The following VWA8 variants were observed in gnomAD, a reference collection of about 807,000 sequenced individuals.
VWA8 encodes von Willebrand factor A domain containing 8, also known as von Willebrand factor A domain-containing protein 8.
VWA8 carries 221 observed loss-of-function variants against 241.5 expected under a neutral mutation model. The ratio of observed to expected loss-of-function variants is 0.91; its 90% confidence interval spans 0.82 to 1.02. The LOEUF (loss-of-function observed/expected upper bound fraction) is 1.02, where lower values mean the gene tolerates loss of function less well. VWA8 is among the 50% of genes least tolerant of loss of function. The probability of loss-of-function intolerance (pLI) is 0.00; values close to 1 mark genes in which losing one functional copy is unlikely to be tolerated. For missense variants in VWA8, 2,322 were observed against 2,328.7 expected (o/e 1.00, Z 0.06); for synonymous variants, 852 against 827.1 (o/e 1.03, Z -0.52).
At chr13:41,833,084 A>G (rs1871541714) in intron 13 of VWA8, among the ~76,000 whole-genome samples, 1 of 152,188 alleles carries the variant, frequency 6.6e-6, no homozygotes, top group South Asian at 2.1e-4. Context: ...AGACCTGTAT[A>G]TATAAAGTTT....
intron 20 of VWA8, among the ~76,000 whole-genome samples, chr13:41,776,459 T>C (rs943310810): frequency 1.3e-5 from 2 of 152,246 alleles, no homozygotes; most frequent in Non-Finnish European, 2.9e-5. Flanking sequence ...CTCTGGTATA[T>C]AGGTTCATCT....
At chr13:41,679,223 A>G (rs2045081254) in intron 35 of VWA8, among the ~76,000 whole-genome samples, 1 of 152,238 alleles carries the variant, frequency 6.6e-6, no homozygotes, top group African/African-American at 2.4e-5. Context: ...TGTTTATCAC[A>G]TAGCTCCCAT....
At chr13:41,571,322 T>TC (rs1298531812) in intron 43 of VWA8, among the ~76,000 whole-genome samples, 135 of 136,714 alleles carry the variant, frequency 9.9e-4, no homozygotes, top group African/African-American at 2.8e-3. Context: ...TCCCTCTCCC[T>TC]CTCCCGTCTC....
chr13:41,729,760 T>A, intron 22 of VWA8, 83 bp from the exon 23 acceptor site: 1 of 1,420,302 alleles, frequency 7.0e-7, no homozygotes, highest in Non-Finnish European at 9.6e-7. Flanking sequence ...TTTGGACTTA[T>A]AACAGCTGGC....
chr13:41,840,832 G>T (rs1427562515), intron 12 of VWA8, among the ~76,000 whole-genome samples: 3 of 151,536 alleles, frequency 2.0e-5, no homozygotes, highest in Non-Finnish European at 1.5e-5. Flanking sequence ...CACAATTCTT[G>T]ATAATAAAAT....
At chr13:41,927,526 C>T (rs1876905750) in intron 2 of VWA8, among the ~76,000 whole-genome samples, 1 of 151,644 alleles carries the variant, frequency 6.6e-6, no homozygotes, top group Admixed American at 6.6e-5. Context: ...ACCAAATAAA[C>T]CATTTGTCTC....
intron 4 of VWA8, among the ~76,000 whole-genome samples, chr13:41,898,896 C>T (rs1476612661): frequency 4.2e-5 from 1 of 23,912 alleles, no homozygotes; most frequent in African/African-American, 1.9e-4. Context: ...CAAGCCCACG[C>T]CCACCCGGAA....
intron 17 of VWA8, among the ~76,000 whole-genome samples, chr13:41,789,624 A>G (rs1869361428): frequency 2.0e-5 from 3 of 152,186 alleles, no homozygotes; most frequent in African/African-American, 7.2e-5. Context: ...GGAGTGGGAT[A>G]GGATCTTTAG....
At chr13:41,746,177 T>C (rs2045605154) in intron 21 of VWA8, among the ~76,000 whole-genome samples, 1 of 152,206 alleles carries the variant, frequency 6.6e-6, no homozygotes, top group Non-Finnish European at 1.5e-5. Flanking sequence ...ATATTTGTAT[T>C]TACATTTTTT....
chr13:41,572,852 G>C (rs922306826), intron 43 of VWA8, among the ~76,000 whole-genome samples: 2 of 150,328 alleles, frequency 1.3e-5, no homozygotes, highest in Non-Finnish European at 3.0e-5. Flanking sequence ...GCTCACGTCT[G>C]TGGTCCCAGC....
intron 33 of VWA8, among the ~76,000 whole-genome samples, chr13:41,689,842 C>G (rs1185646688): frequency 6.6e-6 from 1 of 151,806 alleles, no homozygotes; most frequent in East Asian, 1.9e-4. Flanking sequence ...TATTCATCCC[C>G]CAAAACTGTG....
At position 41,587,514 on chromosome 13, in the gene VWA8, G is replaced by T; in HGVS notation, c.5269C>A (p.Gln1757Lys). 1 of 1,614,012 alleles carries T rather than the reference G, an allele frequency of 6.2e-7. No individual in the cohort carries two copies. The highest frequency in any genetic ancestry group is 8.5e-7 in the Non-Finnish European group (1 of 1,180,008). The change falls in exon 42 of 45, where the codon CAG (glutamine) becomes AAG (lysine). Residue 1757 changes from glutamine to lysine, a missense_variant and splice_region_variant. By Grantham distance (53) the Gln-to-Lys change is moderately conservative. Coordinates refer to ENST00000379310, the MANE Select transcript of VWA8 (RefSeq NM_015058.2). ...TTATTCTTAGTTCATGTCATTACCT[G>T]GAACTTCTCCTCATAGTTCTCGAAG... is the stretch of plus-strand genomic sequence containing the variant. ...EAFENYEEKF[Q>K]YDIVGHSGDG...
intron 17 of VWA8, among the ~76,000 whole-genome samples, chr13:41,807,517 G>T (rs2137969462): frequency 6.6e-6 from 1 of 152,330 alleles, no homozygotes; most frequent in South Asian, 2.1e-4. Flanking sequence ...TTATGCCAGG[G>T]ATGCCAGCAT....
At chr13:41,896,345 T>A (rs868242954) in intron 4 of VWA8, among the ~76,000 whole-genome samples, 4 of 152,126 alleles carry the variant, frequency 2.6e-5, no homozygotes, top group Non-Finnish European at 4.4e-5. Flanking sequence ...CAAATGAATT[T>A]AAAAATTTAA....
At chr13:41,671,889 T>C (rs2045028141) in intron 36 of VWA8, among the ~76,000 whole-genome samples, 1 of 152,196 alleles carries the variant, frequency 6.6e-6, no homozygotes, top group Non-Finnish European at 1.5e-5. Context: ...CACTCTATAG[T>C]ATTCTGCTGT....
intron 37 of VWA8, among the ~76,000 whole-genome samples, chr13:41,641,521 G>A (rs12864630): frequency 0.033 from 4,933 of 151,304 alleles, 90 homozygotes; most frequent in South Asian, 0.079. Context: ...TATGTCTGGA[G>A]TTCTTTGGAA....
chr13:41,758,421 T>C (rs1593750416), intron 21 of VWA8, among the ~76,000 whole-genome samples: 1 of 64,306 alleles, frequency 1.6e-5, no homozygotes, highest in South Asian at 5.3e-4. Flanking sequence ...TATATATATA[T>C]ATATATATAC....
Position 41,645,038 on chromosome 13 carries a change from A to C in VWA8, c.4611+25908T>G, listed in dbSNP as rs564206775. 3.9e-5 allele frequency among the ~76,000 whole-genome samples: 6 copies of C among 152,360 alleles called. No individual in the cohort carries two copies. The East Asian group carries it at 1.2e-3, about 29-fold the overall frequency. On this transcript the variant is annotated intron_variant, in intron 37 of 44. Coordinates refer to ENST00000379310, the MANE Select transcript of VWA8 (RefSeq NM_015058.2). ...ACATGGTTAAAAGCACAGACATTGG[A>C]ACCAGTTTCCTTGAATTCAAACTCT... is the stretch of plus-strand genomic sequence containing the variant.
chr13:41,721,584 G>A lies in VWA8; in HGVS notation c.2759-9C>T. 1 of 1,603,212 alleles carries A rather than the reference G, an allele frequency of 6.2e-7. No individual in the cohort carries two copies. Among genetic ancestry groups the A allele is most frequent in the Non-Finnish European group, 8.5e-7 (1 of 1,175,112 alleles). ...GCAGCTAAAAATATCACCTAAAGGAGAGAAAAGATTCACATTCAGTATGCA... is the reference window on the plus strand; with the variant it reads ...GCAGCTAAAAATATCACCTAAAGGAAAGAAAAGATTCACATTCAGTATGCA... On this transcript the variant is annotated splice_polypyrimidine_tract_variant and intron_variant, in intron 24 of 44. Transcript: ENST00000379310.
Sources: allele counts gnomAD v4.1 joint callset (sites outside exome capture counted in the v4.1 genomes callset), GRCh38; gene constraint gnomAD v4.1.1; transcripts MANE v1.5; gene names NCBI Gene and HGNC (gene_info 2026-07-23, HGNC 2026-07-21).